Variants in CRIM1 observed in about 807,000 individuals in gnomAD.
CRIM1 encodes the protein cysteine rich transmembrane BMP regulator 1, also known as cysteine-rich motor neuron 1 protein.
A neutral mutation model predicts 116.4 loss-of-function variants in CRIM1; 32 were observed. The ratio of observed to expected loss-of-function variants is 0.27; its 90% CI spans 0.21 to 0.37. The LOEUF is 0.37. Among genes scored for constraint, CRIM1 ranks in the 10% least tolerant of loss-of-function variants. CRIM1 has a pLI of 1.00. For missense variants in CRIM1, 1,331 were observed against 1,354.8 expected, an observed-to-expected ratio of 0.98 and a Z score of 0.28; for synonymous variants, 590 against 509.2, an observed-to-expected ratio of 1.16 and a Z score of -2.13.
chr2:36,536,007 A>G (rs1350565230), intron 13 of CRIM1, among the ~76,000 whole-genome samples: 2 of 152,228 alleles, frequency 1.3e-5, no homozygotes, highest in East Asian at 1.9e-4. Flanking sequence ...TCCTAGAACC[A>G]GTCTCCCAAG....
At chr2:36,529,052 CGTTCTTAATTTAAAGA>C in intron 13 of CRIM1, 1 of 468,616 alleles carries the variant, frequency 2.1e-6, no homozygotes, top group Non-Finnish European at 4.4e-6. Flanking sequence ...TCCAGCCCCA[CGTTCTTAATTTAAAGA>C]GCTCTGCTGC....
chr2:36,546,966 T>C lies in CRIM1; in HGVS notation c.2747-18T>C, dbSNP rs1037135481. On this transcript the variant is annotated intron_variant, in intron 15 of 16. Coordinates refer to ENST00000280527, the MANE Select transcript of CRIM1 (RefSeq NM_016441.3). Reference sequence around the variant, plus strand: ...TTCTGGTTTAGGTAATAAATGCTTATAATTTTTTTTCTCCTAGATATGGGT... The same window carrying C: ...TTCTGGTTTAGGTAATAAATGCTTACAATTTTTTTTCTCCTAGATATGGGT... 9.5e-6 allele frequency: 14 copies of C among 1,467,582 alleles called. No homozygotes were observed. Among genetic ancestry groups the C allele is most frequent in the South Asian group, 1.2e-5 (1 of 82,196 alleles). 90.9% of individuals were successfully genotyped at this position (1,467,582 alleles called of 1,614,324 possible). A position where few individuals can be genotyped will look rare whatever the true frequency, so the allele number is the denominator to read the frequency against.
At chr2:36,524,120 A>G (rs1317323254) in intron 13 of CRIM1, among the ~76,000 whole-genome samples, 2 of 152,202 alleles carry the variant, frequency 1.3e-5, no homozygotes, top group Non-Finnish European at 2.9e-5. Flanking sequence ...GGGGGCTGTT[A>G]ATAATTCTGA....
rs1463205944 is a variant in CRIM1, at chr2:36,414,279, G to A, written c.505+17492G>A. On this transcript the variant is annotated intron_variant, in intron 2 of 16. Transcript: ENST00000280527. ...AAATTAAATGCAGCTCTCAAAAGCAGCCTAAAAGTTAAATGACACACAAAA... is the reference window on the plus strand; with the variant it reads ...AAATTAAATGCAGCTCTCAAAAGCAACCTAAAAGTTAAATGACACACAAAA... 2.0e-5 allele frequency among the ~76,000 whole-genome samples: 3 copies of A among 152,202 alleles called. No individual in the cohort carries two copies. The East Asian group carries it at 5.8e-4, about 29-fold the overall frequency.
At chr2:36,435,083 G>A (rs1292635948) in intron 2 of CRIM1, among the ~76,000 whole-genome samples, 1 of 152,128 alleles carries the variant, frequency 6.6e-6, no homozygotes, top group Non-Finnish European at 1.5e-5. Context: ...TGGTCTCCCT[G>A]TGCTACTGAG....
At chr2:36,442,527 C>A (rs3821157) in intron 3 of CRIM1, 88 bp from the exon 4 acceptor site, 256,119 of 1,520,786 alleles carry the variant, frequency 0.17, 26,690 homozygotes, top group East Asian at 0.57. Flanking sequence ...AGACTTTGGA[C>A]ATTTGTCAAG....
At chr2:36,433,129 T>A (rs1025067289) in intron 2 of CRIM1, among the ~76,000 whole-genome samples, 1 of 152,146 alleles carries the variant, frequency 6.6e-6, no homozygotes, top group African/African-American at 2.4e-5. Flanking sequence ...ACCATCACTT[T>A]AGAGCAGTTC....
At chr2:36,484,513 A>C (rs1235165628) in intron 7 of CRIM1, among the ~76,000 whole-genome samples, 1 of 152,182 alleles carries the variant, frequency 6.6e-6, no homozygotes, top group Non-Finnish European at 1.5e-5. Context: ...GTGATTACTC[A>C]ATAAGAAAAA....
chr2:36,415,097 T>C (rs1223124400), intron 2 of CRIM1, among the ~76,000 whole-genome samples: 1 of 152,114 alleles, frequency 6.6e-6, no homozygotes, highest in East Asian at 1.9e-4. Context: ...AGATTCTCTG[T>C]TCCATTTGGA....
intron 1 of CRIM1, among the ~76,000 whole-genome samples, chr2:36,374,357 C>G (rs1307574054): frequency 2.6e-5 from 4 of 152,172 alleles, no homozygotes; most frequent in African/African-American, 9.7e-5. Flanking sequence ...TTAAAGAATG[C>G]TACTGTAAAG....
intron 1 of CRIM1, among the ~76,000 whole-genome samples, chr2:36,394,420 C>A (rs1349158034): frequency 6.6e-6 from 1 of 152,068 alleles, no homozygotes; most frequent in Non-Finnish European, 1.5e-5. Context: ...CTTGGATGCA[C>A]ATTTTGTTAT....
chr2:36,499,707 A>G (rs1447631839), intron 8 of CRIM1, among the ~76,000 whole-genome samples: 1 of 152,130 alleles, frequency 6.6e-6, no homozygotes, highest in African/African-American at 2.4e-5. Flanking sequence ...TCCGCATATG[A>G]CAGCCATAAT....
intron 12 of CRIM1, among the ~76,000 whole-genome samples, chr2:36,520,145 A>G (rs1401985493): frequency 2.0e-5 from 3 of 152,166 alleles, no homozygotes; most frequent in African/African-American, 7.2e-5. Flanking sequence ...TGCAGACTCT[A>G]CCTCGGCTCC....
At chr2:36,477,222 G>T (rs1202642071) in intron 6 of CRIM1, 151 bp downstream of exon 6, 16 of 626,056 alleles carry the variant, frequency 2.6e-5, no homozygotes, top group Non-Finnish European at 4.3e-5. Context: ...CTGTCTTTTA[G>T]CATGTTAAAG....
At chr2:36,449,482 C>G (rs1181804018) in intron 4 of CRIM1, among the ~76,000 whole-genome samples, 1 of 152,196 alleles carries the variant, frequency 6.6e-6, no homozygotes, top group Non-Finnish European at 1.5e-5. Context: ...AAGAATACTC[C>G]TCTGCACATC....
intron 4 of CRIM1, among the ~76,000 whole-genome samples, chr2:36,453,024 T>C (rs1214148092): frequency 6.6e-6 from 1 of 152,240 alleles, no homozygotes; most frequent in Admixed American, 6.5e-5. Context: ...ATTACTTGCA[T>C]AGCTAATAAG....
intron 1 of CRIM1, among the ~76,000 whole-genome samples, chr2:36,377,286 C>G (rs1670399032): frequency 6.6e-6 from 1 of 152,258 alleles, no homozygotes; most frequent in Non-Finnish European, 1.5e-5. Flanking sequence ...ACCTGTATGA[C>G]TAGCACACAT....
chr2:36,471,393 TTA>T (rs1425343588), intron 5 of CRIM1, among the ~76,000 whole-genome samples: 2 of 151,340 alleles, frequency 1.3e-5, no homozygotes, highest in East Asian at 3.9e-4. Flanking sequence ...GCAAACTTCA[TTA>T]TTGTGTTATT....
At chr2:36,407,269 A>G (rs918500963) in intron 2 of CRIM1, among the ~76,000 whole-genome samples, 6 of 152,220 alleles carry the variant, frequency 3.9e-5, no homozygotes, top group Non-Finnish European at 5.9e-5. Flanking sequence ...GTATATGTAT[A>G]TCTGTAAACA....
Sources: gnomAD v4.1 joint callset for allele counts (sites outside exome capture counted in the v4.1 genomes callset) on GRCh38, gnomAD v4.1.1 for gene constraint, MANE v1.5 for transcripts, NCBI Gene and HGNC (gene_info 2026-07-23, HGNC 2026-07-21) for gene names.